Variants in CCDC198 observed in about 807,000 individuals in gnomAD.
CCDC198 encodes factor associated with metabolism and energy.
Under a neutral mutation model 35.6 loss-of-function variants are expected in CCDC198, and 18 were observed. The observed-to-expected ratio is 0.51, with a 90% CI of 0.35 to 0.75. The LOEUF (loss-of-function observed/expected upper bound fraction) is 0.75, where lower values mean the gene tolerates loss of function less well. CCDC198 is among the 30% of genes least tolerant of loss of function. The pLI, the probability that CCDC198 is intolerant of heterozygous loss-of-function variation, is 0.01. For synonymous variants in CCDC198, 119 were observed against 113.4 expected (o/e 1.05, Z -0.31); for missense variants, 365 against 343.7 (o/e 1.06, Z -0.49).
chr14:57,480,359 A>T, intron 5 of CCDC198: 6 of 914,030 alleles, frequency 6.6e-6, no homozygotes, highest in Non-Finnish European at 7.8e-6. Flanking sequence ...CATGCAAAGC[A>T]TATTAAACCC....
chr14:57,486,017 C>T (rs962326133), intron 2 of CCDC198, among the ~76,000 whole-genome samples: 1 of 152,074 alleles, frequency 6.6e-6, no homozygotes, highest in African/African-American at 2.4e-5. Flanking sequence ...GAGGCAGCTT[C>T]TGATCAAGTC....
intron 5 of CCDC198, among the ~76,000 whole-genome samples, chr14:57,475,137 T>C (rs1480816218): frequency 1.3e-5 from 2 of 151,758 alleles, no homozygotes; most frequent in African/African-American, 2.4e-5. Context: ...GGCGGGCGCC[T>C]GTAGTCCCAG....
intron 5 of CCDC198, among the ~76,000 whole-genome samples, chr14:57,477,304 A>G (rs1385612491): frequency 2.0e-5 from 3 of 152,208 alleles, no homozygotes; most frequent in Admixed American, 2.0e-4. Flanking sequence ...ACAAATTTCC[A>G]GTGATATTTG....
intron 2 of CCDC198, among the ~76,000 whole-genome samples, chr14:57,488,922 G>A (rs1339658146): frequency 6.6e-6 from 1 of 152,192 alleles, no homozygotes; most frequent in East Asian, 1.9e-4. Flanking sequence ...TACACTGTTA[G>A]TGGGAGTGTA....
Position 57,471,088 on chromosome 14 carries a change from G to T in CCDC198, c.*267C>A. 8.9e-6 allele frequency: 3 copies of T among 335,964 alleles called. No homozygotes were observed. The highest frequency in any genetic ancestry group is 5.4e-6 in the Non-Finnish European group (1 of 184,120). 20.8% of individuals were successfully genotyped at this position (335,964 alleles called of 1,614,324 possible). A position where few individuals can be genotyped will look rare whatever the true frequency, so the allele number is the denominator to read the frequency against. Reference sequence around the variant, plus strand: ...AAGATTTCAAAAGGGAACAGCAGAAGAACCACCTAGCTGAACTCAGCAACC... The same window carrying T: ...AAGATTTCAAAAGGGAACAGCAGAATAACCACCTAGCTGAACTCAGCAACC... On this transcript the variant is annotated 3_prime_UTR_variant, in exon 6 of 6. Coordinates refer to ENST00000216445, the MANE Select transcript of CCDC198 (RefSeq NM_018168.4).
chr14:57,488,178 T>C (rs2067431403), intron 2 of CCDC198, among the ~76,000 whole-genome samples: 1 of 152,304 alleles, frequency 6.6e-6, no homozygotes, highest in African/African-American at 2.4e-5. Flanking sequence ...CAGAAAAAAC[T>C]GATCTTTGGG....
chr14:57,473,938 G>A (rs2066895357), intron 5 of CCDC198, among the ~76,000 whole-genome samples: 1 of 152,100 alleles, frequency 6.6e-6, no homozygotes, highest in Admixed American at 6.6e-5. Context: ...ACATGCTGTG[G>A]TTGATTACCA....
chr14:57,472,834 C>T (rs2066862775), intron 5 of CCDC198, among the ~76,000 whole-genome samples: 1 of 152,108 alleles, frequency 6.6e-6, no homozygotes, highest in Admixed American at 6.5e-5. Context: ...TTTAAGAAAA[C>T]AAAATCTTCC....
chr14:57,475,448 A>G, intron 5 of CCDC198: 1 of 1,237,326 alleles, frequency 8.1e-7, no homozygotes, highest in Non-Finnish European at 1.0e-6. Flanking sequence ...ATAAGACATC[A>G]ATTGTGGCCA....
chr14:57,480,212 TG>T, intron 5 of CCDC198: 1 of 937,116 alleles, frequency 1.1e-6, no homozygotes, highest in Non-Finnish European at 1.3e-6. Context: ...TGTCTGCATA[TG>T]GTACCAACTC....
At chr14:57,493,415 A>G (rs2067643751) in intron 1 of CCDC198, 78 bp downstream of exon 1, 1 of 1,246,230 alleles carries the variant, frequency 8.0e-7, no homozygotes, top group African/African-American at 1.5e-5. Context: ...TTCTGAGATC[A>G]TGGAGACAGT....
chr14:57,484,392 G>T (rs1490719705), intron 2 of CCDC198, among the ~76,000 whole-genome samples: 1 of 152,182 alleles, frequency 6.6e-6, no homozygotes, highest in East Asian at 1.9e-4. Context: ...GCACCCAAGA[G>T]TGCCAGAAAA....
chr14:57,475,809 T>C, intron 5 of CCDC198: 1 of 300,456 alleles, frequency 3.3e-6, no homozygotes, highest in South Asian at 2.4e-5. Flanking sequence ...TTTTTTTTTT[T>C]TTTTTTTTTT....
chr14:57,483,120 A>G lies in CCDC198; in HGVS notation c.338T>C (p.Ile113Thr), dbSNP rs139733112. ...CTGGCTCAGGAGTCTTCCTGAAGTA[A>G]TTACTCGTGGCAAGTCAATGGGTTC... Reference protein sequence around the residue: ...KLEPIDLPRVITSGRLLSQRE... With the variant: ...KLEPIDLPRVTTSGRLLSQRE... Residue 113 changes from isoleucine (I) to threonine (T), a missense_variant, in exon 3 of 6, where the codon ATT becomes ACT. By Grantham distance (89) the Ile-to-Thr change is moderately conservative. Transcript: ENST00000216445. The G allele has an allele frequency of 5.6e-6, 9 of 1,613,934 alleles. No homozygotes were observed. The highest frequency in any genetic ancestry group is 7.6e-6 in the Non-Finnish European group (9 of 1,179,982).
chr14:57,475,800 T>C (rs1281338875), intron 5 of CCDC198: 10 of 269,692 alleles, frequency 3.7e-5, no homozygotes, highest in Admixed American at 1.1e-4. Context: ...TTTTTTTTTT[T>C]TTTTTTTTTT....
At position 57,470,142 on chromosome 14, in the gene CCDC198, T is replaced by C. The variant is rs2066790245; in HGVS notation, c.*1213A>G. 1 of 152,168 alleles carries C rather than the reference T, an allele frequency of 6.6e-6. No homozygotes were observed. Among genetic ancestry groups the C allele is most frequent in the African/African-American group, 2.4e-5 (1 of 41,442 alleles). The allele number at this position is 152,168 out of a possible 1,614,324, so 9.4% of individuals were successfully genotyped here. ...CATCATAATCTAAGAAGTCTTAATT[T>C]TGAACTTTAATTCACAACGATCTTC... On this transcript the variant is annotated 3_prime_UTR_variant, in exon 6 of 6. Coordinates refer to ENST00000216445, the MANE Select transcript of CCDC198 (RefSeq NM_018168.4).
At position 57,471,445 on chromosome 14, in the gene CCDC198, C is replaced by G; in HGVS notation, c.801G>C (p.Glu267Asp). 1 of 1,614,034 alleles carries G rather than the reference C, an allele frequency of 6.2e-7. No individual in the cohort carries two copies. Among genetic ancestry groups the G allele is most frequent in the Non-Finnish European group, 8.5e-7 (1 of 1,179,992 alleles). The change falls in exon 6 of 6, where the codon GAG becomes GAC. Residue 267 changes from glutamate (E) to aspartate (D), a missense_variant. Transcript: ENST00000216445. ...GTGGCTTCTTCTCATCTTTCCCCTGCTCATCTGAGTCAGAGCTGGAACTGT... is the reference window on the plus strand; with the variant it reads ...GTGGCTTCTTCTCATCTTTCCCCTGGTCATCTGAGTCAGAGCTGGAACTGT... ...LWDSSSSDSD[E>D]QGKDEKKPRA...
chr14:57,490,898 T>C (rs771637072), intron 2 of CCDC198, 91 bp downstream of exon 2: 5 of 1,205,124 alleles, frequency 4.1e-6, no homozygotes, highest in Non-Finnish European at 6.0e-6. Context: ...TTGGTCCTTA[T>C]CAATATCCCT....
At position 57,475,439 on chromosome 14, in the gene CCDC198, T is replaced by C. The variant is rs1419519823; in HGVS notation, c.656-3849A>G. The C allele has an allele frequency of 6.5e-6, 8 of 1,229,854 alleles. No homozygotes were observed. In the East Asian group the frequency reaches 4.4e-4, roughly 67 times the overall value. The allele number at this position is 1,229,854 out of a possible 1,614,324, so 76.2% of individuals were successfully genotyped here. The stretch of plus-strand genomic sequence containing the variant: ...CTGAAGCATATGACTGTTTTCACTA[T>C]AAGACATCAATTGTGGCCAGGCGCG... On this transcript the variant is annotated intron_variant, in intron 5 of 5. Transcript: ENST00000216445.
Sources: gnomAD v4.1 joint callset for allele counts (sites outside exome capture counted in the v4.1 genomes callset) on GRCh38, gnomAD v4.1.1 for gene constraint, MANE v1.5 for transcripts, NCBI Gene and HGNC (gene_info 2026-07-23, HGNC 2026-07-21) for gene names.